The following STX8 variants were observed in gnomAD, a reference collection of about 807,000 sequenced individuals.
STX8 encodes the protein syntaxin-8.
A neutral mutation model predicts 37.5 loss-of-function variants in STX8; 23 were observed. The observed-to-expected ratio is 0.61, with a 90% CI of 0.44 to 0.87. The LOEUF is 0.87. Among genes scored for constraint, STX8 ranks in the 40% least tolerant of loss-of-function variants. The pLI is 0.00. For synonymous variants in STX8, 115 were observed against 99.1 expected (o/e 1.16, Z -0.95); for missense variants, 313 against 284.7 (o/e 1.10, Z -0.71).
intron 6 of STX8, among the ~76,000 whole-genome samples, chr17:9,389,461 CG>C (rs1182634656): frequency 6.6e-6 from 1 of 152,160 alleles, no homozygotes; most frequent in Non-Finnish European, 1.5e-5. Flanking sequence ...TCTGAGATAT[CG>C]AGTGACATTC....
chr17:9,430,148 TATATAAA>T (rs1184447770), intron 6 of STX8, among the ~76,000 whole-genome samples: 8 of 101,168 alleles, frequency 7.9e-5, no homozygotes, highest in African/African-American at 2.6e-4. Flanking sequence ...ATATAATTTA[TATATAAA>T]ATATAAAATA....
chr17:9,265,469 C>T (rs1907202547), intron 7 of STX8, among the ~76,000 whole-genome samples: 1 of 152,246 alleles, frequency 6.6e-6, no homozygotes, highest in African/African-American at 2.4e-5. Flanking sequence ...TGCACATTGC[C>T]CCTGCCACCA....
At chr17:9,373,965 C>T (rs544011097) in intron 7 of STX8, among the ~76,000 whole-genome samples, 175 of 150,374 alleles carry the variant, frequency 1.2e-3, no homozygotes, top group African/African-American at 4.3e-3. Context: ...AAGTTCTGGA[C>T]AGCCTCGGCC....
At chr17:9,424,141 T>C (rs1913541610) in intron 6 of STX8, among the ~76,000 whole-genome samples, 1 of 152,044 alleles carries the variant, frequency 6.6e-6, no homozygotes, top group African/African-American at 2.4e-5. Context: ...TAGCAACACC[T>C]TGGGTTCCCT....
At position 9,396,688 on chromosome 17, in the gene STX8, T is replaced by C. The variant is rs1050901143; in HGVS notation, c.542-18035A>G. Reference sequence around the variant, plus strand: ...TCGAGCCATTGCACTCCATCCAGCCTGGGCAACAAGAGTGAAACACCATCT... The same window carrying C: ...TCGAGCCATTGCACTCCATCCAGCCCGGGCAACAAGAGTGAAACACCATCT... On this transcript the variant is annotated intron_variant, in intron 6 of 7. Coordinates refer to ENST00000306357, the MANE Select transcript of STX8 (RefSeq NM_004853.3). 2.8e-5 allele frequency among the ~76,000 whole-genome samples: 4 copies of C among 144,402 alleles called. No homozygotes were observed. In the East Asian group the frequency reaches 8.9e-4, roughly 32 times the overall value. The allele number at this position is 144,402 out of a possible 152,430, so 94.7% of individuals were successfully genotyped here.
At chr17:9,286,800 C>G (rs1038336528) in intron 7 of STX8, among the ~76,000 whole-genome samples, 1 of 151,860 alleles carries the variant, frequency 6.6e-6, no homozygotes, top group Admixed American at 6.6e-5. Context: ...CCTGCAAAAC[C>G]CCAGAGACTC....
chr17:9,368,319 A>C (rs1911295352), intron 7 of STX8, among the ~76,000 whole-genome samples: 1 of 152,092 alleles, frequency 6.6e-6, no homozygotes, highest in South Asian at 2.1e-4. Flanking sequence ...CCTGGCTAAC[A>C]CAGTGAAACT....
At chr17:9,495,753 G>A (rs1904368759) in intron 5 of STX8, among the ~76,000 whole-genome samples, 1 of 152,210 alleles carries the variant, frequency 6.6e-6, no homozygotes, top group Non-Finnish European at 1.5e-5. Flanking sequence ...AGATAATCGA[G>A]ATGCTGTAGA....
chr17:9,399,889 A>G (rs1390871173), intron 6 of STX8, among the ~76,000 whole-genome samples: 2 of 151,356 alleles, frequency 1.3e-5, no homozygotes, highest in Non-Finnish European at 2.9e-5. Flanking sequence ...AAAGAAAGAA[A>G]GAAAGAAAGA....
At chr17:9,484,537 C>T (rs750081977) in intron 6 of STX8, among the ~76,000 whole-genome samples, 14 of 151,690 alleles carry the variant, frequency 9.2e-5, no homozygotes, top group Non-Finnish European at 1.3e-4. Context: ...ATCAGAGGGC[C>T]GGGCATGGTG....
chr17:9,460,679 A>C (rs1905342089), intron 6 of STX8, among the ~76,000 whole-genome samples: 1 of 148,004 alleles, frequency 6.8e-6, no homozygotes, highest in South Asian at 2.1e-4. Flanking sequence ...GTCTCAAAAA[A>C]AAAAAAAAAC....
intron 7 of STX8, among the ~76,000 whole-genome samples, chr17:9,333,407 A>G (rs2142220426): frequency 6.6e-6 from 1 of 152,214 alleles, no homozygotes; most frequent in East Asian, 1.9e-4. Flanking sequence ...ATTTTTTTTG[A>G]AACAGAGTCT....
At chr17:9,467,285 CA>C (rs1316185394) in intron 6 of STX8, 1 of 152,100 alleles carries the variant, frequency 6.6e-6, no homozygotes, top group Non-Finnish European at 1.5e-5. Flanking sequence ...CTGAGGCGTA[CA>C]GAAGTTAAGT....
At chr17:9,255,693 A>G (rs1382253062) in intron 7 of STX8, among the ~76,000 whole-genome samples, 2 of 152,204 alleles carry the variant, frequency 1.3e-5, no homozygotes, top group African/African-American at 4.8e-5. Context: ...GCCATGACAA[A>G]TAAGGCTTTT....
chr17:9,446,158 A>G (rs1904845327), intron 6 of STX8, among the ~76,000 whole-genome samples: 1 of 152,148 alleles, frequency 6.6e-6, no homozygotes, highest in South Asian at 2.1e-4. Context: ...ATTTTAAACA[A>G]AGACATTTAG....
chr17:9,336,921 T>A (rs1295682897), intron 7 of STX8, among the ~76,000 whole-genome samples: 1 of 152,214 alleles, frequency 6.6e-6, no homozygotes, highest in Non-Finnish European at 1.5e-5. Flanking sequence ...GAAATGAAGT[T>A]CTGAACATTT....
chr17:9,310,853 A>AG (rs1909167026), intron 7 of STX8, among the ~76,000 whole-genome samples: 1 of 152,238 alleles, frequency 6.6e-6, no homozygotes, highest in Admixed American at 6.5e-5. Flanking sequence ...GGAAGACAGT[A>AG]GAGAACACAA....
rs1159537920 is a variant in STX8, at chr17:9,304,453, G to C, written c.644-53808C>G. Among the ~76,000 whole-genome samples, 8 of 141,124 alleles carry C rather than the reference G, an allele frequency of 5.7e-5. No homozygotes were observed. In the East Asian group the frequency reaches 1.5e-3, roughly 26 times the overall value. The allele number at this position is 141,124 out of a possible 152,430, so 92.6% of individuals were successfully genotyped here. ...AGGCAGAAGAATCTCTTGTTGCAGC[G>C]AACCAAGATCGTGCCATTGCACTCC... On this transcript the variant is annotated intron_variant, in intron 7 of 7. Coordinates refer to ENST00000306357, the MANE Select transcript of STX8 (RefSeq NM_004853.3).
chr17:9,290,468 G>A (rs1050725272), intron 7 of STX8, among the ~76,000 whole-genome samples: 4 of 152,150 alleles, frequency 2.6e-5, no homozygotes, highest in Admixed American at 1.3e-4. Flanking sequence ...GCACGTGTGC[G>A]CGTATACGCA....
Sources: gnomAD v4.1 joint callset for allele counts (sites outside exome capture counted in the v4.1 genomes callset) on GRCh38, gnomAD v4.1.1 for gene constraint, MANE v1.5 for transcripts, NCBI Gene and HGNC (gene_info 2026-07-23, HGNC 2026-07-21) for gene names.